The following STAU2 variants were observed in gnomAD, a reference collection of about 807,000 sequenced individuals.
STAU2 encodes double-stranded RNA-binding protein Staufen homolog 2.
A neutral mutation model predicts 65.9 loss-of-function variants in STAU2; 20 were observed. That is an observed-to-expected ratio of 0.30 (90% CI 0.21 to 0.44). The LOEUF is 0.44. Among genes scored for constraint, STAU2 ranks in the 20% least tolerant of loss-of-function variants. The pLI is 1.00. For missense variants in STAU2, 558 were observed against 683.9 expected (o/e 0.82, Z 2.05); for synonymous variants, 232 against 233.9 (o/e 0.99, Z 0.07).
At chr8:73,710,873 T>G (rs1246464605) in intron 3 of STAU2, among the ~76,000 whole-genome samples, 1 of 151,962 alleles carries the variant, frequency 6.6e-6, no homozygotes, top group East Asian at 1.9e-4. Flanking sequence ...TGGCTGGCTT[T>G]AGGAACTTCA....
intron 12 of STAU2, among the ~76,000 whole-genome samples, chr8:73,557,483 T>C (rs1349237133): frequency 6.6e-6 from 1 of 152,160 alleles, no homozygotes; most frequent in African/African-American, 2.4e-5. Context: ...TAATTTAGGG[T>C]ATGCATATTT....
intron 9 of STAU2, 112 bp from the exon 10 acceptor site, chr8:73,603,975 G>C: frequency 1.7e-6 from 2 of 1,162,338 alleles, no homozygotes; most frequent in Non-Finnish European, 2.3e-6. Context: ...ACTGTGACTA[G>C]AAAAGATAAA....
intron 13 of STAU2, among the ~76,000 whole-genome samples, chr8:73,426,183 AATG>A (rs956304583): frequency 2.0e-5 from 3 of 148,358 alleles, no homozygotes; most frequent in African/African-American, 7.4e-5. Context: ...TTTTTTTTTC[AATG>A]ATAAATAATA....
intron 6 of STAU2, among the ~76,000 whole-genome samples, chr8:73,622,768 C>G (rs551780704): frequency 2.0e-5 from 3 of 152,276 alleles, no homozygotes; most frequent in Non-Finnish European, 4.4e-5. Context: ...TGATGAAACA[C>G]TGTGTTTCTG....
intron 13 of STAU2, among the ~76,000 whole-genome samples, chr8:73,543,576 T>C (rs1261463334): frequency 6.6e-6 from 1 of 152,198 alleles, no homozygotes; most frequent in African/African-American, 2.4e-5. Context: ...GAATTTATTG[T>C]ATGTGTTCAG....
chr8:73,456,379 G>C (rs531622503), intron 13 of STAU2, among the ~76,000 whole-genome samples: 2 of 152,154 alleles, frequency 1.3e-5, no homozygotes, highest in Non-Finnish European at 2.9e-5. Flanking sequence ...CCATTACATG[G>C]AGAAAGAATA....
intron 6 of STAU2, among the ~76,000 whole-genome samples, chr8:73,668,215 T>C (rs1817377619): frequency 6.6e-6 from 1 of 151,772 alleles, no homozygotes; most frequent in African/African-American, 2.4e-5. Flanking sequence ...CAAATGGGAA[T>C]TGGCTTATTT....
At chr8:73,456,284 G>A (rs1452599280) in intron 13 of STAU2, among the ~76,000 whole-genome samples, 2 of 152,184 alleles carry the variant, frequency 1.3e-5, no homozygotes, top group Admixed American at 6.5e-5. Flanking sequence ...GGTCCCAGTT[G>A]GTGATATAGA....
chr8:73,635,552 G>T (rs894684329), intron 6 of STAU2, among the ~76,000 whole-genome samples: 5 of 152,094 alleles, frequency 3.3e-5, no homozygotes, highest in Non-Finnish European at 7.4e-5. Context: ...TGAGGCCGAG[G>T]GCGGTGGCTC....
rs560337021 is a variant in STAU2 at position 73,570,493 on chromosome 8, C to T, written c.1222+12277G>A. On this transcript the variant is annotated intron_variant, in intron 12 of 14. Coordinates refer to ENST00000524300, the MANE Select transcript of STAU2 (RefSeq NM_001164380.2). ...GTCTGACTGGTGTACCTGAAAGTGA[C>T]GGGAAGAACGGAACCAAGTTGGAAA... Among the ~76,000 whole-genome samples the T allele has an allele frequency of 7.9e-5, 12 of 152,222 alleles. No homozygotes were observed. The East Asian group carries it at 2.1e-3, about 27-fold the overall frequency.
intron 13 of STAU2, among the ~76,000 whole-genome samples, chr8:73,428,185 A>T (rs1024830799): frequency 6.6e-6 from 1 of 152,168 alleles, no homozygotes; most frequent in Admixed American, 6.5e-5. Flanking sequence ...TGGGAGTTCA[A>T]TTGTTTTATA....
chr8:73,649,869 T>TTATCTATA (rs71269927), intron 6 of STAU2, among the ~76,000 whole-genome samples: 1 of 71,656 alleles, frequency 1.4e-5, no homozygotes, highest in Non-Finnish European at 2.6e-5. Flanking sequence ...CTATATAATT[T>TTATCTATA]TATATATATA....
chr8:73,468,601 A>T (rs1157904630), intron 13 of STAU2, among the ~76,000 whole-genome samples: 1 of 152,218 alleles, frequency 6.6e-6, no homozygotes. Context: ...ACTCAAACAA[A>T]TTTACAAGAA....
intron 14 of STAU2, among the ~76,000 whole-genome samples, chr8:73,422,345 A>G (rs1816445752): frequency 6.6e-6 from 1 of 152,246 alleles, no homozygotes; most frequent in Non-Finnish European, 1.5e-5. Context: ...ACAAGTCTCT[A>G]CAGTCAGGAC....
intron 13 of STAU2, among the ~76,000 whole-genome samples, chr8:73,445,128 C>T (rs1818398073): frequency 1.3e-5 from 2 of 152,224 alleles, no homozygotes. Flanking sequence ...TCAGAATTTA[C>T]AAGTGAGTGA....
rs527814621 is a variant in STAU2, at chr8:73,597,665, G to A, written c.1030-2368C>T. Among the ~76,000 whole-genome samples the A allele has an allele frequency of 1.6e-3, 100 of 63,658 alleles. 1 individual carries two copies. The highest frequency in any genetic ancestry group is 6.0e-3 in the African/African-American group (94 of 15,540). 41.8% of individuals were successfully genotyped at this position (63,658 alleles called of 152,430 possible). ...AGCCTGGGCGATAGAGTGAGTCTCTGTCTCAAAAAAAAAAAAAAAAAAAAA... is the reference window on the plus strand; with the variant it reads ...AGCCTGGGCGATAGAGTGAGTCTCTATCTCAAAAAAAAAAAAAAAAAAAAA... On this transcript the variant is annotated intron_variant, in intron 10 of 14. Transcript: ENST00000524300.
intron 13 of STAU2, among the ~76,000 whole-genome samples, chr8:73,464,018 C>A (rs963105150): frequency 6.6e-6 from 1 of 152,166 alleles, no homozygotes; most frequent in African/African-American, 2.4e-5. Context: ...CTTTAGTACA[C>A]CTATTTTTTC....
intron 6 of STAU2, among the ~76,000 whole-genome samples, chr8:73,657,636 TA>T (rs1816481384): frequency 6.6e-6 from 1 of 152,214 alleles, no homozygotes; most frequent in African/African-American, 2.4e-5. Flanking sequence ...TTTTCTTCTA[TA>T]TTTATATTGG....
At chr8:73,535,148 T>C (rs1806096309) in intron 13 of STAU2, among the ~76,000 whole-genome samples, 1 of 152,164 alleles carries the variant, frequency 6.6e-6, no homozygotes, top group African/African-American at 2.4e-5. Flanking sequence ...AGCATGTACA[T>C]GACAAAAATC....
Sources: gnomAD v4.1 joint callset for allele counts (sites outside exome capture counted in the v4.1 genomes callset) on GRCh38, gnomAD v4.1.1 for gene constraint, MANE v1.5 for transcripts, NCBI Gene and HGNC (gene_info 2026-07-23, HGNC 2026-07-21) for gene names.